Variants in CAST observed in about 807,000 individuals in gnomAD.
CAST encodes MIR583 host.
A neutral mutation model predicts 119.6 loss-of-function variants in CAST; 76 were observed. That is an observed-to-expected ratio of 0.64 (90% confidence interval 0.53 to 0.77). The LOEUF (loss-of-function observed/expected upper bound fraction) is 0.77, where lower values mean the gene tolerates loss of function less well. Among genes scored for constraint, CAST ranks in the 30% least tolerant of loss-of-function variants. The pLI is 0.00. For missense variants in CAST, 953 were observed against 946.5 expected (o/e 1.01, Z -0.09); for synonymous variants, 319 against 331.6 (o/e 0.96, Z 0.41).
chr5:96,106,214 C>G, the CAST span, among the ~76,000 whole-genome samples: 3 of 151,330 alleles, frequency 2.0e-5, no homozygotes, highest in Non-Finnish European at 3.0e-5. Flanking sequence ...TTTTGTGTCT[C>G]TATTTCCTTC....
At chr5:96,142,574 A>G in the CAST span, among the ~76,000 whole-genome samples, 2 of 152,338 alleles carry the variant, frequency 1.3e-5, no homozygotes, top group East Asian at 3.9e-4. Flanking sequence ...TTTGATACCT[A>G]TAAATGTTAA....
chr5:96,618,914 A>C (rs1747530660), intron 1 of CAST, among the ~76,000 whole-genome samples: 2 of 152,240 alleles, frequency 1.3e-5, no homozygotes, highest in Non-Finnish European at 2.9e-5. Context: ...AGGTGAAGCC[A>C]GCTGGGCTCC....
intron 1 of CAST, among the ~76,000 whole-genome samples, chr5:96,619,421 AT>A (rs1747542878): frequency 6.6e-6 from 1 of 152,204 alleles, no homozygotes; most frequent in Admixed American, 6.5e-5. Flanking sequence ...AAATGAACCA[AT>A]CAGCTGTCTG....
the CAST span, among the ~76,000 whole-genome samples, chr5:96,238,742 G>A: frequency 6.6e-6 from 1 of 151,876 alleles, no homozygotes; most frequent in Non-Finnish European, 1.5e-5. Flanking sequence ...CTACAGCCTG[G>A]CTATACTATA....
chr5:96,641,407 C>A (rs1194464828), intron 1 of CAST, among the ~76,000 whole-genome samples: 1 of 151,888 alleles, frequency 6.6e-6, no homozygotes, highest in Non-Finnish European at 1.5e-5. Context: ...TTGCAGCTTT[C>A]CATTCTTGAG....
chr5:96,366,749 T>C, the CAST span, among the ~76,000 whole-genome samples: 1 of 152,204 alleles, frequency 6.6e-6, no homozygotes, highest in Non-Finnish European at 1.5e-5. Flanking sequence ...TTCAAGGTTT[T>C]TAGCTTCTTT....
intron 16 of CAST, chr5:96,743,512 A>G: frequency 1.4e-6 from 2 of 1,429,652 alleles, no homozygotes; most frequent in South Asian, 2.8e-5. Flanking sequence ...GCTGGCAGGC[A>G]TTGCTGTCAC....
At chr5:96,217,204 A>ATTTTTTTTTTTTTTT in the CAST span, among the ~76,000 whole-genome samples, 175 of 97,002 alleles carry the variant, frequency 1.8e-3, 7 homozygotes, top group African/African-American at 6.1e-3. Flanking sequence ...ATGCTAGCTA[A>ATTTTTTTTTTTTTTT]TTTTTTTTTT....
At chr5:96,728,096 C>G (rs1759620611) in intron 6 of CAST, among the ~76,000 whole-genome samples, 1 of 152,170 alleles carries the variant, frequency 6.6e-6, no homozygotes, top group African/African-American at 2.4e-5. Context: ...GGAGGTGAAC[C>G]CCAGGTTGTG....
the CAST span, among the ~76,000 whole-genome samples, chr5:96,464,131 TTTTG>T: frequency 6.6e-6 from 1 of 152,008 alleles, no homozygotes; most frequent in Non-Finnish European, 1.5e-5. Context: ...TTGGTTTGGT[TTTTG>T]TTTAAGATAC....
chr5:96,192,857 G>A, the CAST span, among the ~76,000 whole-genome samples: 42 of 152,250 alleles, frequency 2.8e-4, no homozygotes, highest in African/African-American at 9.6e-4. Context: ...TTCAGCCTGG[G>A]GTCTGGAATG....
At chr5:96,427,681 CAGTT>C in the CAST span, among the ~76,000 whole-genome samples, 5 of 152,140 alleles carry the variant, frequency 3.3e-5, no homozygotes, top group East Asian at 1.9e-4. Flanking sequence ...GTAAGAATAA[CAGTT>C]AGGTATGCTC....
the CAST span, among the ~76,000 whole-genome samples, chr5:96,347,744 C>T: frequency 6.6e-6 from 1 of 152,102 alleles, no homozygotes; most frequent in African/African-American, 2.4e-5. Context: ...AGTTCTAAAC[C>T]CCACAGGAAA....
chr5:96,035,498 G>C, the CAST span, among the ~76,000 whole-genome samples: 2 of 151,940 alleles, frequency 1.3e-5, no homozygotes, highest in Non-Finnish European at 2.9e-5. Context: ...AAGGGATGGA[G>C]CTGGGAATCT....
chr5:96,255,872 T>G, the CAST span, among the ~76,000 whole-genome samples: 16 of 152,126 alleles, frequency 1.1e-4, no homozygotes, highest in African/African-American at 3.9e-4. Context: ...TACTTTAGGG[T>G]TCCGTTCCTC....
chr5:96,466,611 G>C, the CAST span, among the ~76,000 whole-genome samples: 5 of 151,776 alleles, frequency 3.3e-5, no homozygotes, highest in Non-Finnish European at 7.4e-5. Context: ...AACTAAGATA[G>C]CTTACCATAG....
At chr5:96,607,019 T>C (rs1023500639) in intron 1 of CAST, among the ~76,000 whole-genome samples, 2 of 152,128 alleles carry the variant, frequency 1.3e-5, no homozygotes, top group Non-Finnish European at 2.9e-5. Flanking sequence ...GCGGGCGCGG[T>C]AGCTCACGCC....
Position 96,730,790 on chromosome 5 carries a change from A to C in CAST, c.560A>C (p.Gln187Pro). The C allele has an allele frequency of 6.2e-7, 1 of 1,613,506 alleles. No homozygotes were observed. Among genetic ancestry groups the C allele is most frequent in the Non-Finnish European group, 8.5e-7 (1 of 1,179,414 alleles). Residue 187 changes from glutamine (Q) to proline (P), a missense_variant, in exon 9 of 32, where the codon CAA becomes CCA. Transcript: ENST00000675179. Reference protein sequence around the residue: ...EKSTEPKTKPQDMISAGGESV... With the variant: ...EKSTEPKTKPPDMISAGGESV... Reference sequence around the variant, plus strand: ...TCCTCACTGTCTTAGACTAAACCACAAGACATGATTTCTGCTGGTGGAGAG... The same window carrying C: ...TCCTCACTGTCTTAGACTAAACCACCAGACATGATTTCTGCTGGTGGAGAG...
intron 1 of CAST, among the ~76,000 whole-genome samples, chr5:96,610,190 CTTTGCTCTTTA>C (rs752608581): frequency 2.0e-5 from 3 of 152,308 alleles, no homozygotes; most frequent in Non-Finnish European, 2.9e-5. Context: ...TAAGATGTGC[CTTTGCTCTTTA>C]TTTATCTTCC....
Sources: allele counts gnomAD v4.1 joint callset (sites outside exome capture counted in the v4.1 genomes callset), GRCh38; gene constraint gnomAD v4.1.1; transcripts MANE v1.5; gene names NCBI Gene and HGNC (gene_info 2026-07-23, HGNC 2026-07-21).